The following DDX31 variants were observed in gnomAD, a reference collection of about 807,000 sequenced individuals.
DDX31 encodes the protein DEAD-box helicase 31, also known as ATP-dependent DNA helicase DDX31.
In DDX31, 70 loss-of-function variants were observed where a neutral mutation model predicts 91.3. The ratio of observed to expected loss-of-function variants is 0.77; its 90% CI spans 0.63 to 0.94. The LOEUF is 0.94. Ranked by LOEUF, DDX31 falls within the 40% of genes least tolerant of loss-of-function variation. The pLI is 0.00. For synonymous variants in DDX31, 362 were observed against 350.6 expected (o/e 1.03, Z -0.36); for missense variants, 902 against 925.0 (o/e 0.98, Z 0.32).
intron 14 of DDX31, chr9:132,638,335 C>T (rs1215310961): frequency 1.2e-6 from 2 of 1,614,028 alleles, no homozygotes; most frequent in Admixed American, 3.3e-5. Flanking sequence ...AGCAAGGTTC[C>T]TTTCCTCTGG....
chr9:132,611,819 C>T (rs571677720), intron 19 of DDX31, among the ~76,000 whole-genome samples: 2 of 152,170 alleles, frequency 1.3e-5, no homozygotes, highest in South Asian at 4.2e-4. Flanking sequence ...TCATACACAT[C>T]TCGGATGCTT....
chr9:132,633,995 A>G (rs1422355817), intron 14 of DDX31, among the ~76,000 whole-genome samples: 1 of 152,184 alleles, frequency 6.6e-6, no homozygotes, highest in Non-Finnish European at 1.5e-5. Flanking sequence ...TCCTGAATGT[A>G]GGGTATTCTA....
chr9:132,632,383 G>A (rs1310215057), intron 14 of DDX31, among the ~76,000 whole-genome samples: 4 of 151,368 alleles, frequency 2.6e-5, no homozygotes, highest in Non-Finnish European at 5.9e-5. Flanking sequence ...AAATTCTACA[G>A]AACCCATTGA....
chr9:132,631,985 T>A, intron 15 of DDX31, 56 bp downstream of exon 15: 1 of 1,483,912 alleles, frequency 6.7e-7, no homozygotes, highest in Non-Finnish European at 9.3e-7. Context: ...CCAATGCATC[T>A]ACTCATGATC....
intron 1 of DDX31, chr9:132,669,526 G>A (rs894361968): frequency 2.2e-6 from 3 of 1,376,740 alleles, no homozygotes; most frequent in Admixed American, 4.3e-5. Flanking sequence ...GCTTAGAGAA[G>A]TTAAGCTTTG....
intron 19 of DDX31, among the ~76,000 whole-genome samples, chr9:132,596,909 C>T (rs1352284436): frequency 2.6e-5 from 4 of 152,140 alleles, no homozygotes; most frequent in African/African-American, 9.7e-5. Flanking sequence ...AGGGTTGGAA[C>T]TTGACTATCA....
At chr9:132,656,335 C>T (rs1834561738) in intron 6 of DDX31, among the ~76,000 whole-genome samples, 1 of 152,140 alleles carries the variant, frequency 6.6e-6, no homozygotes, top group Admixed American at 6.5e-5. Context: ...ACAGAATATT[C>T]CAGTCTTTAA....
chr9:132,648,651 C>G lies in DDX31; in HGVS notation c.741-100G>C. On this transcript the variant is annotated intron_variant, in intron 9 of 19. Coordinates refer to ENST00000372159, the MANE Select transcript of DDX31 (RefSeq NM_022779.9). ...AAAATAGACAGACTCATTTCATGTA[C>G]AGTGCAAACGTGCCATAGCCTGAAA... is the stretch of plus-strand genomic sequence containing the variant. 7 of 1,414,072 alleles carry G rather than the reference C, an allele frequency of 5.0e-6. No homozygotes were observed. The South Asian group carries it at 5.7e-5, about 12-fold the overall frequency. 87.6% of individuals were successfully genotyped at this position (1,414,072 alleles called of 1,614,324 possible). A position where few individuals can be genotyped will look rare whatever the true frequency, so the allele number is the denominator to read the frequency against.
At chr9:132,633,226 G>A (rs368167038) in intron 14 of DDX31, among the ~76,000 whole-genome samples, 5 of 152,096 alleles carry the variant, frequency 3.3e-5, no homozygotes, top group Admixed American at 6.6e-5. Context: ...ATATTATACC[G>A]CATTCCACCA....
At chr9:132,632,727 A>G (rs886881185) in intron 14 of DDX31, among the ~76,000 whole-genome samples, 5 of 152,064 alleles carry the variant, frequency 3.3e-5, no homozygotes, top group Non-Finnish European at 5.9e-5. Flanking sequence ...CCCTACCCCC[A>G]TCTCTTCAGG....
chr9:132,648,084 A>G, intron 11 of DDX31, 105 bp downstream of exon 11: 18 of 889,388 alleles, frequency 2.0e-5, no homozygotes, highest in Non-Finnish European at 3.1e-5. Flanking sequence ...CCCTGCCCCC[A>G]CCTCCCTGAG....
rs541134678 is a variant in DDX31, at chr9:132,637,617, G to A, written c.1440+4387C>T. Among the ~76,000 whole-genome samples, 4 of 152,336 alleles carry A rather than the reference G, an allele frequency of 2.6e-5. No individual in the cohort carries two copies. The East Asian group carries it at 7.7e-4, about 29-fold the overall frequency. ...CCAAAAGTCATTACTGCCGTGTGTGGAAAGCCATCAGCAGGGTCCAGGCCC... is the reference window on the plus strand; with the variant it reads ...CCAAAAGTCATTACTGCCGTGTGTGAAAAGCCATCAGCAGGGTCCAGGCCC... On this transcript the variant is annotated intron_variant, in intron 14 of 19. Transcript: ENST00000372159.
intron 14 of DDX31, among the ~76,000 whole-genome samples, chr9:132,635,079 G>GT (rs1833024292): frequency 6.6e-6 from 1 of 152,144 alleles, no homozygotes; most frequent in East Asian, 1.9e-4. Flanking sequence ...CTTCCTCATG[G>GT]TAAGGTTGCG....
intron 6 of DDX31, chr9:132,658,140 A>C: frequency 1.7e-6 from 1 of 590,664 alleles, no homozygotes; most frequent in South Asian, 2.2e-5. Context: ...GTCCCACGTT[A>C]GGTACTGTGG....
intron 13 of DDX31, among the ~76,000 whole-genome samples, chr9:132,645,279 A>C (rs1833753262): frequency 6.6e-6 from 1 of 152,162 alleles, no homozygotes; most frequent in African/African-American, 2.4e-5. Context: ...TCACATAGCC[A>C]AGTCCCTAAA....
rs1322797234 is a variant in DDX31 at position 132,618,447 on chromosome 9, A to G, written c.1714-6T>C. ...GGGCCAACAGCATGGGATTTCTGAG[A>G]GGGCGACGGAAGGATTAAAGGAGAG... On this transcript the variant is annotated splice_polypyrimidine_tract_variant and splice_region_variant and intron_variant, in intron 17 of 19. Transcript: ENST00000372159. 3 of 1,607,464 alleles carry G rather than the reference A, an allele frequency of 1.9e-6. No homozygotes were observed. The Admixed American group carries it at 5.1e-5, about 27-fold the overall frequency.
chr9:132,662,773 G>A, intron 1 of DDX31, 78 bp from the exon 2 acceptor site: 1 of 1,577,254 alleles, frequency 6.3e-7, no homozygotes, highest in Non-Finnish European at 8.6e-7. Flanking sequence ...AAGCCTGACT[G>A]CCCACAGAAT....
In DDX31 at chr9:132,594,687, T is replaced by G; in HGVS notation, c.*179A>C. ...TCTCTACAGTGCCCCACACCACTGA[T>G]TTCTATCAGGCTCCAGGGCCTCCCA... is the stretch of plus-strand genomic sequence containing the variant. On this transcript the variant is annotated 3_prime_UTR_variant, in exon 20 of 20. Transcript: ENST00000372159. The G allele has an allele frequency of 9.5e-7, 1 of 1,054,710 alleles. No homozygotes were observed. The highest frequency in any genetic ancestry group is 1.4e-6 in the Non-Finnish European group (1 of 734,512). The allele number at this position is 1,054,710 out of a possible 1,614,324, so 65.3% of individuals were successfully genotyped here.
chr9:132,648,545 G>A lies in DDX31; in HGVS notation c.747C>T (p.Arg249=), dbSNP rs757509732. ...TTGAGATAAGGATATTTATTCCTTT[G>A]CGGAGTCTGTTTAAAATTATATATC... ...EKRKSEKARL[R]KGINILISTP... Residue 249 remains arginine, a synonymous_variant, in exon 10 of 20, where the codon CGC becomes CGT. Transcript: ENST00000372159. 6.2e-7 allele frequency: 1 copy of A among 1,608,184 alleles called. No individual in the cohort carries two copies. The highest frequency in any genetic ancestry group is 1.1e-5 in the South Asian group (1 of 89,854).
Sources: gnomAD v4.1 joint callset for allele counts (sites outside exome capture counted in the v4.1 genomes callset) on GRCh38, gnomAD v4.1.1 for gene constraint, MANE v1.5 for transcripts, NCBI Gene and HGNC (gene_info 2026-07-23, HGNC 2026-07-21) for gene names.